BCL2: variants seen among roughly 807,000 people sequenced by gnomAD.
BCL2 encodes apoptosis regulator Bcl-2.
BCL2 carries 1 observed loss-of-function variant against 14.2 expected under a neutral mutation model. The ratio of observed to expected loss-of-function variants is 0.07; its 90% CI spans 0.02 to 0.33. The LOEUF (loss-of-function observed/expected upper bound fraction) is 0.33. BCL2 is among the 10% of genes least tolerant of loss of function. BCL2 has a pLI of 0.99. For synonymous variants in BCL2, 151 were observed against 137.2 expected (o/e 1.10, Z -0.70); for missense variants, 247 against 305.9 (o/e 0.81, Z 1.44).
In BCL2 at chr18:63,128,011, C is replaced by G; in HGVS notation, c.*614G>C. On this transcript the variant is annotated 3_prime_UTR_variant, in exon 3 of 3. Transcript: ENST00000333681. ...ATCTGAAGTTCCCAACTCTTTTCCT[C>G]CCACCAGGTATGCATCATGTGAGTC... 4.4e-6 allele frequency: 1 copy of G among 225,866 alleles called. No individual in the cohort carries two copies. The highest frequency in any genetic ancestry group is 8.8e-6 in the Non-Finnish European group (1 of 113,128). 14.0% of individuals were successfully genotyped at this position (225,866 alleles called of 1,614,324 possible). A position where few individuals can be genotyped will look rare whatever the true frequency, so the allele number is the denominator to read the frequency against.
intron 2 of BCL2, among the ~76,000 whole-genome samples, chr18:63,286,449 G>A (rs774312913): frequency 5.9e-5 from 9 of 152,148 alleles, no homozygotes; most frequent in Non-Finnish European, 1.2e-4. Context: ...GGAGGCAGGA[G>A]GGTTCAACAA....
chr18:63,218,207 A>G (rs1262620683), intron 2 of BCL2, among the ~76,000 whole-genome samples: 1 of 151,848 alleles, frequency 6.6e-6, no homozygotes, highest in Admixed American at 6.6e-5. Context: ...GCTCAAGCTC[A>G]TGTCTTTTCT....
intron 2 of BCL2, chr18:63,302,810 T>C (rs1213629324): frequency 4.1e-6 from 4 of 985,092 alleles, no homozygotes. Context: ...TGGCCCATGC[T>C]GAAACTCCCT....
chr18:63,132,013 T>C (rs937586265), intron 2 of BCL2, among the ~76,000 whole-genome samples: 3 of 152,196 alleles, frequency 2.0e-5, no homozygotes, highest in African/African-American at 7.2e-5. Flanking sequence ...ACAGGCCATT[T>C]CTGATATGCA....
At chr18:63,310,319 A>G (rs1232365481) in intron 2 of BCL2, among the ~76,000 whole-genome samples, 2 of 152,206 alleles carry the variant, frequency 1.3e-5, no homozygotes, top group Non-Finnish European at 2.9e-5. Context: ...CCCCAGTCAA[A>G]TCAGACTCTC....
rs1913603613 is a variant in BCL2 at position 63,318,917 on chromosome 18, A to G, written c.-251T>C. Reference sequence around the variant, plus strand: ...TTTCATGAGGCACGTTATTATTAGTAAGTATTGTTAATATCAGTCTACTTC... The same window carrying G: ...TTTCATGAGGCACGTTATTATTAGTGAGTATTGTTAATATCAGTCTACTTC... On this transcript the variant is annotated 5_prime_UTR_variant, in exon 2 of 3. Transcript: ENST00000333681. The surrounding 1 kb of genome is among the most constrained non-coding windows in gnomAD (Gnocchi z 7.4). The G allele has an allele frequency of 7.2e-7, 1 of 1,394,678 alleles. No homozygotes were observed. The highest frequency in any genetic ancestry group is 1.5e-5 in the African/African-American group (1 of 67,590). The allele number at this position is 1,394,678 out of a possible 1,614,324, so 86.4% of individuals were successfully genotyped here. A position where few individuals can be genotyped will look rare whatever the true frequency, so the allele number is the denominator to read the frequency against.
At chr18:63,245,372 A>C (rs763591440) in intron 2 of BCL2, among the ~76,000 whole-genome samples, 2 of 147,076 alleles carry the variant, frequency 1.4e-5, no homozygotes, top group Non-Finnish European at 3.1e-5. Context: ...ATATCAATTA[A>C]GCAGATTCTC....
At chr18:63,255,592 G>A (rs1400198719) in intron 2 of BCL2, among the ~76,000 whole-genome samples, 2 of 152,200 alleles carry the variant, frequency 1.3e-5, no homozygotes, top group African/African-American at 4.8e-5. Flanking sequence ...TGGTTTGAAA[G>A]AGCTGGACTT....
chr18:63,169,295 TCTTTCTTTCTTTCTTCCTTC>T (rs1915138236), intron 2 of BCL2, among the ~76,000 whole-genome samples: 1 of 93,746 alleles, frequency 1.1e-5, no homozygotes, highest in South Asian at 4.4e-4. Flanking sequence ...TTTCTTTCTT[TCTTTCTTTCTTTCTTCCTTC>T]CTTCCTTCTT....
chr18:63,157,360 G>T (rs1288215466), intron 2 of BCL2, among the ~76,000 whole-genome samples: 2 of 152,196 alleles, frequency 1.3e-5, no homozygotes, highest in African/African-American at 4.8e-5. Flanking sequence ...GCCCAGGAGG[G>T]TGGTCCCAAA....
chr18:63,185,183 A>T, intron 2 of BCL2, among the ~76,000 whole-genome samples: 1 of 152,258 alleles, frequency 6.6e-6, no homozygotes, highest in African/African-American at 2.4e-5. Flanking sequence ...GTCACAAATG[A>T]AAATACAGCC....
intron 2 of BCL2, among the ~76,000 whole-genome samples, chr18:63,229,703 G>A (rs1248155427): frequency 6.6e-6 from 1 of 152,158 alleles, no homozygotes; most frequent in Non-Finnish European, 1.5e-5. Flanking sequence ...CACCATGACT[G>A]TACAGCCTGC....
chr18:63,205,463 G>A (rs1909810779), intron 2 of BCL2, among the ~76,000 whole-genome samples: 1 of 152,142 alleles, frequency 6.6e-6, no homozygotes, highest in Admixed American at 6.5e-5. Flanking sequence ...TGTTGTTAAT[G>A]CTGATGAGTT....
At chr18:63,234,387 A>G (rs2144181306) in intron 2 of BCL2, among the ~76,000 whole-genome samples, 1 of 152,332 alleles carries the variant, frequency 6.6e-6, no homozygotes, top group East Asian at 1.9e-4. Flanking sequence ...AATGGCTTCC[A>G]GTTCCATCCA....
chr18:63,242,002 C>G (rs1428281897), intron 2 of BCL2, among the ~76,000 whole-genome samples: 2 of 152,172 alleles, frequency 1.3e-5, no homozygotes. Context: ...AACAATGTAC[C>G]AATGAGCACC....
At position 63,294,930 on chromosome 18, in the gene BCL2, G is replaced by A. The variant is rs1287940340; in HGVS notation, c.585+23152C>T. On this transcript the variant is annotated intron_variant, in intron 2 of 2. Transcript: ENST00000333681. ...AATCCCAGAACTTTGGGAGGCCAAG[G>A]TGGGTGGATCACGAGGTCAAGACCA... Among the ~76,000 whole-genome samples the A allele has an allele frequency of 2.0e-5, 3 of 151,706 alleles. No individual in the cohort carries two copies. In the East Asian group the frequency reaches 5.8e-4, roughly 29 times the overall value.
At chr18:63,295,895 C>A (rs1912783867) in intron 2 of BCL2, among the ~76,000 whole-genome samples, 1 of 152,158 alleles carries the variant, frequency 6.6e-6, no homozygotes, top group Non-Finnish European at 1.5e-5. Context: ...ACCAACCTTG[C>A]TCCACGCTGC....
At chr18:63,278,789 A>C (rs899329485) in intron 2 of BCL2, among the ~76,000 whole-genome samples, 73 of 152,330 alleles carry the variant, frequency 4.8e-4, no homozygotes, top group South Asian at 4.1e-4. Context: ...AACAATACCA[A>C]GACTTATAGA....
chr18:63,272,032 T>C (rs1369648127), intron 2 of BCL2, among the ~76,000 whole-genome samples: 4 of 152,252 alleles, frequency 2.6e-5, no homozygotes, highest in Admixed American at 1.3e-4. Context: ...AAGTTCATCC[T>C]GTTTTTAGGC....
Sources: allele counts gnomAD v4.1 joint callset (sites outside exome capture counted in the v4.1 genomes callset), GRCh38; gene constraint gnomAD v4.1.1; non-coding constraint Gnocchi (gnomAD v3.1); transcripts MANE v1.5; gene names NCBI Gene and HGNC (gene_info 2026-07-23, HGNC 2026-07-21).